NOTUM: variants seen among roughly 807,000 people sequenced by gnomAD.
NOTUM encodes the protein palmitoleoyl-protein carboxylesterase NOTUM.
Under a neutral mutation model 65.5 loss-of-function variants are expected in NOTUM, and 36 were observed. The observed-to-expected ratio is 0.55, with a 90% confidence interval of 0.42 to 0.73. The LOEUF is 0.73. Among genes scored for constraint, NOTUM ranks in the 30% least tolerant of loss-of-function variants. NOTUM has a pLI of 0.00. For missense variants in NOTUM, 659 were observed against 694.2 expected, an observed-to-expected ratio of 0.95 and a Z score of 0.57; for synonymous variants, 356 against 297.9, an observed-to-expected ratio of 1.20 and a Z score of -2.01.
chr17:81,961,009 TG>T lies in NOTUM; in HGVS notation c.-101del. 1 of 486,140 alleles carries T rather than the reference TG, an allele frequency of 2.1e-6. No individual in the cohort carries two copies. The allele number at this position is 486,140 out of a possible 1,614,324, so 30.1% of individuals were successfully genotyped here. A position where few individuals can be genotyped will look rare whatever the true frequency, so the allele number is the denominator to read the frequency against. ...GCCGGGCCGGGGGTGTCGGGGGCAC[TG>T]GCCGCTCCTGCTCCCTCGCCCCCGC... On this transcript the variant is annotated 5_prime_UTR_variant, in exon 1 of 11. Transcript: ENST00000409678.
chr17:81,955,256 T>C lies in NOTUM; in HGVS notation c.1136+141A>G. ...TGGGCCTCCCAAAGTGCTGGGATTATAGGTGTGAGTCACTGCGCCCGGCCT... is the reference window on the plus strand; with the variant it reads ...TGGGCCTCCCAAAGTGCTGGGATTACAGGTGTGAGTCACTGCGCCCGGCCT... On this transcript the variant is annotated intron_variant, in intron 9 of 10. Coordinates refer to ENST00000409678, the MANE Select transcript of NOTUM (RefSeq NM_178493.6). 9.6e-6 allele frequency: 7 copies of C among 726,588 alleles called. No homozygotes were observed. In the South Asian group the frequency reaches 1.2e-4, roughly 12 times the overall value. 45.0% of individuals were successfully genotyped at this position (726,588 alleles called of 1,614,324 possible).
intron 3 of NOTUM, 112 bp downstream of exon 3, chr17:81,959,359 G>A (rs866940953): frequency 1.6e-5 from 13 of 797,812 alleles, no homozygotes; most frequent in Admixed American, 5.2e-5. Context: ...AAACCCGGGC[G>A]CCAGGCTGGG....
Position 81,958,863 on chromosome 17 carries a change from C to T in NOTUM, c.533+72G>A, listed in dbSNP as rs149420218. 8.6e-4 allele frequency: 1,016 copies of T among 1,179,108 alleles called. 12 individuals are homozygous for T. The African/African-American group carries it at 0.012, about 14-fold the overall frequency. The allele number at this position is 1,179,108 out of a possible 1,614,324, so 73.0% of individuals were successfully genotyped here. A position where few individuals can be genotyped will look rare whatever the true frequency, so the allele number is the denominator to read the frequency against. Reference sequence around the variant, plus strand: ...GAAAGACCATTTCAGAATATGACTTCCCAAGGAAGGACCCCCCGGGAAGAA... The same window carrying T: ...GAAAGACCATTTCAGAATATGACTTTCCAAGGAAGGACCCCCCGGGAAGAA... On this transcript the variant is annotated intron_variant, in intron 4 of 10. Transcript: ENST00000409678.
chr17:81,954,188 G>A, intron 10 of NOTUM, 68 bp downstream of exon 10: 2 of 1,185,548 alleles, frequency 1.7e-6, no homozygotes, highest in South Asian at 1.2e-5. Context: ...GCCAAGTGCG[G>A]TTGGGGAGCA....
Position 81,955,517 on chromosome 17 carries a change from A to G in NOTUM, c.1016T>C (p.Phe339Ser), listed in dbSNP as rs2041425992. ...RCPVFVVQWL[F>S]DEAQLTVDNV... is the part of the protein sequence containing the mutation. Reference sequence around the variant, plus strand: ...GTCCACCGTCAGCTGTGCCTCGTCAAACAGCCACTGCACCACGAACACAGG... The same window carrying G: ...GTCCACCGTCAGCTGTGCCTCGTCAGACAGCCACTGCACCACGAACACAGG... Residue 339 changes from phenylalanine to serine, a missense_variant, in exon 9 of 11, where the codon TTT (phenylalanine) becomes TCT (serine). Physicochemically the swap from Phe to Ser is radical, Grantham distance 155. Transcript: ENST00000409678. 6.2e-7 allele frequency: 1 copy of G among 1,611,354 alleles called. No homozygotes were observed. Among genetic ancestry groups the G allele is most frequent in the Non-Finnish European group, 8.5e-7 (1 of 1,179,398 alleles).
chr17:81,956,810 A>G, intron 7 of NOTUM, 60 bp from the exon 8 acceptor site: 1 of 1,591,400 alleles, frequency 6.3e-7, no homozygotes. Flanking sequence ...CTCCCCACCC[A>G]CAGATGCCAC....
chr17:81,959,378 G>T, intron 3 of NOTUM, 93 bp downstream of exon 3: 1 of 971,280 alleles, frequency 1.0e-6, no homozygotes, highest in Non-Finnish European at 1.5e-6. Context: ...GGCATGATGT[G>T]CGGGGTGGGG....
chr17:81,954,803 G>C (rs2041416099), intron 9 of NOTUM, among the ~76,000 whole-genome samples: 1 of 152,046 alleles, frequency 6.6e-6, no homozygotes, highest in Non-Finnish European at 1.5e-5. Flanking sequence ...GTGCAGTAGA[G>C]ACACGGTTTC....
intron 4 of NOTUM, 31 bp downstream of exon 4, chr17:81,958,904 G>C: frequency 1.3e-6 from 2 of 1,569,106 alleles, no homozygotes; most frequent in East Asian, 4.5e-5. Flanking sequence ...CTCCAGGCAG[G>C]ACTCCCAGGC....
At chr17:81,959,782 C>G in intron 1 of NOTUM, 90 bp from the exon 2 acceptor site, 1 of 718,980 alleles carries the variant, frequency 1.4e-6, no homozygotes. Flanking sequence ...GAACGCGCCA[C>G]CTGTTCCGGC....
At chr17:81,959,394 G>C in intron 3 of NOTUM, 77 bp downstream of exon 3, 3 of 1,155,280 alleles carry the variant, frequency 2.6e-6, no homozygotes, top group Non-Finnish European at 3.7e-6. Flanking sequence ...TGGGGGCCTG[G>C]CTGGGGCTCC....
Position 81,958,963 on chromosome 17 carries a change from TCTC to T in NOTUM, c.502_504del (p.Glu168del). On this transcript the variant is annotated inframe_deletion, in exon 4 of 11. Transcript: ENST00000409678. ...ATGTTTGCGTTCCACCAGTAGGGGT[TCTC>T]CTCCGGCTGTGAGGACAGGATCCCT... The T allele has an allele frequency of 1.9e-6, 3 of 1,613,090 alleles. No homozygotes were observed. Among genetic ancestry groups the T allele is most frequent in the East Asian group, 4.5e-5 (2 of 44,878 alleles).
In NOTUM at chr17:81,956,935, A is replaced by G; in HGVS notation, c.835T>C (p.Cys279Arg). 6.2e-7 allele frequency: 1 copy of G among 1,613,118 alleles called. No individual in the cohort carries two copies. The highest frequency in any genetic ancestry group is 8.5e-7 in the Non-Finnish European group (1 of 1,179,940). Residue 279 changes from cysteine to arginine, a missense_variant, in exon 7 of 11, where the codon TGC (cysteine) becomes CGC (arginine). By Grantham distance (180) the Cys-to-Arg change is radical (BLOSUM62 -3). Coordinates refer to ENST00000409678, the MANE Select transcript of NOTUM (RefSeq NM_178493.6). Reference protein sequence around the residue: ...LDNKQYRHTDCVDTITCAPTE... With the variant: ...LDNKQYRHTDRVDTITCAPTE... ...GGCGCGCACGTGATCGTGTCGACGC[A>G]GTCTGTGTGGCGATACTGCTTGTTG...
intron 5 of NOTUM, 63 bp downstream of exon 5, chr17:81,958,272 C>T: frequency 8.8e-7 from 1 of 1,130,286 alleles, no homozygotes; most frequent in Non-Finnish European, 1.3e-6. Context: ...GTCCTGCCTC[C>T]TCCCTGCCCT....
At chr17:81,959,053 C>T in intron 3 of NOTUM, 58 bp from the exon 4 acceptor site, 2 of 1,449,934 alleles carry the variant, frequency 1.4e-6, no homozygotes, top group Non-Finnish European at 1.9e-6. Context: ...AGGGTCGGGT[C>T]TGGGAACCCT....
At chr17:81,956,782 G>T in intron 7 of NOTUM, 32 bp from the exon 8 acceptor site, 3 of 1,602,264 alleles carry the variant, frequency 1.9e-6, no homozygotes, top group Non-Finnish European at 2.6e-6. Flanking sequence ...AGGCTGCCGT[G>T]GGTCTCGTCC....
chr17:81,960,666 C>G lies in NOTUM; in HGVS notation c.244G>C (p.Ala82Pro). 1 of 1,590,362 alleles carries G rather than the reference C, an allele frequency of 6.3e-7. No individual in the cohort carries two copies. The highest frequency in any genetic ancestry group is 8.6e-7 in the Non-Finnish European group (1 of 1,167,926). The change falls in exon 1 of 11, where the codon GCG becomes CCG. Residue 82 changes from alanine (A) to proline (P), a missense_variant. Ala to Pro is a conservative substitution (Grantham distance 27). Transcript: ENST00000409678. This position sits in a 1 kb window ranked among gnomAD's most constrained non-coding sequence, Gnocchi z 6.4. ...SLAQSLYPCS[A>P]QQLNEDLRLH... is the part of the protein sequence containing the mutation. ...CGCAGGTCCTCGTTGAGCTGCTGCG[C>G]GGAGCAGGGGTACAGGGACTGCGCC...
intron 8 of NOTUM, 84 bp downstream of exon 8, chr17:81,956,566 A>G: frequency 2.1e-6 from 2 of 936,188 alleles, no homozygotes; most frequent in East Asian, 2.6e-5. Flanking sequence ...AGCCCAGAAG[A>G]CTGGAGTCCA....
chr17:81,953,853 C>G (rs2041407387), intron 10 of NOTUM, among the ~76,000 whole-genome samples: 2 of 150,792 alleles, frequency 1.3e-5, no homozygotes, highest in South Asian at 4.2e-4. Flanking sequence ...GCAATCTCGA[C>G]TCACCATAAC....
Sources: allele counts gnomAD v4.1 joint callset (sites outside exome capture counted in the v4.1 genomes callset), GRCh38; gene constraint gnomAD v4.1.1; non-coding constraint Gnocchi (gnomAD v3.1); transcripts MANE v1.5; gene names NCBI Gene and HGNC (gene_info 2026-07-23, HGNC 2026-07-21).